Variants in ZNF407 observed in about 807,000 individuals in gnomAD.
The protein encoded by ZNF407 is zinc finger protein 407.
Under a neutral mutation model 131.2 loss-of-function variants are expected in ZNF407, and 17 were observed. That is an observed-to-expected ratio of 0.13 (90% CI 0.09 to 0.19). ZNF407 has a LOEUF of 0.19. ZNF407 is among the 10% of genes least tolerant of loss of function. The pLI, the probability that ZNF407 is intolerant of heterozygous loss-of-function variation, is 1.00. For missense variants in ZNF407, 2,681 were observed against 2,830.6 expected (o/e 0.95, Z 1.20); for synonymous variants, 1,156 against 1,062.0 (o/e 1.09, Z -1.72).
intron 3 of ZNF407, among the ~76,000 whole-genome samples, chr18:74,756,122 G>C (rs1387571453): frequency 1.3e-5 from 2 of 151,544 alleles, no homozygotes; most frequent in African/African-American, 4.9e-5. Flanking sequence ...TCGAACTCCT[G>C]ACCTCATGAT....
At chr18:74,749,706 A>T (rs1433669315) in intron 3 of ZNF407, among the ~76,000 whole-genome samples, 1 of 152,188 alleles carries the variant, frequency 6.6e-6, no homozygotes, top group African/African-American at 2.4e-5. Flanking sequence ...GATAGTTTTT[A>T]AAAATAATAT....
At chr18:74,659,480 C>T (rs1014437850) in intron 3 of ZNF407, among the ~76,000 whole-genome samples, 2 of 152,054 alleles carry the variant, frequency 1.3e-5, no homozygotes, top group African/African-American at 4.8e-5. Flanking sequence ...TCTGAATATT[C>T]TAAGAAGTTT....
At chr18:74,893,506 G>A (rs1971414370) in intron 7 of ZNF407, among the ~76,000 whole-genome samples, 1 of 152,146 alleles carries the variant, frequency 6.6e-6, no homozygotes, top group Non-Finnish European at 1.5e-5. Flanking sequence ...TACTTCTGAA[G>A]TGAGAGACTT....
At chr18:74,956,708 G>A (rs1972279623) in intron 8 of ZNF407, among the ~76,000 whole-genome samples, 1 of 152,166 alleles carries the variant, frequency 6.6e-6, no homozygotes, top group Non-Finnish European at 1.5e-5. Flanking sequence ...CTGGAAGGAA[G>A]GAAGGAATAT....
intron 3 of ZNF407, among the ~76,000 whole-genome samples, chr18:74,713,076 T>TA (rs557766940): frequency 2.6e-3 from 391 of 152,354 alleles, no homozygotes; most frequent in African/African-American, 8.2e-3. Flanking sequence ...GCCTTATTGA[T>TA]ACCTGCATTT....
chr18:74,727,914 C>T (rs574616841), intron 3 of ZNF407, among the ~76,000 whole-genome samples: 94 of 152,226 alleles, frequency 6.2e-4, no homozygotes, highest in African/African-American at 2.0e-3. Context: ...AGGCTGGATT[C>T]GGACAAGAAG....
chr18:74,681,497 C>T (rs1419647261), intron 3 of ZNF407, among the ~76,000 whole-genome samples: 1 of 152,142 alleles, frequency 6.6e-6, no homozygotes, highest in Non-Finnish European at 1.5e-5. Flanking sequence ...CCCACCTTGG[C>T]CTTCCAAGGT....
At chr18:74,627,424 T>C (rs1983830713) in intron 1 of ZNF407, among the ~76,000 whole-genome samples, 1 of 152,204 alleles carries the variant, frequency 6.6e-6, no homozygotes, top group Non-Finnish European at 1.5e-5. Context: ...TTTCCTCCCT[T>C]TACTCTTCAA....
chr18:74,996,870 A>G (rs1460063506), intron 8 of ZNF407, among the ~76,000 whole-genome samples: 1 of 152,258 alleles, frequency 6.6e-6, no homozygotes, highest in Non-Finnish European at 1.5e-5. Context: ...TCATTTTTGT[A>G]GCTATCAGAC....
chr18:74,800,078 G>T (rs905035299), intron 4 of ZNF407, among the ~76,000 whole-genome samples: 1 of 151,818 alleles, frequency 6.6e-6, no homozygotes, highest in Non-Finnish European at 1.5e-5. Flanking sequence ...TCTTTGAGGA[G>T]AGTCCAAAGA....
chr18:74,949,541 A>G (rs1481149152), intron 8 of ZNF407, among the ~76,000 whole-genome samples: 1 of 152,222 alleles, frequency 6.6e-6, no homozygotes, highest in African/African-American at 2.4e-5. Flanking sequence ...TGTTACTGAA[A>G]TATCAATACT....
intron 8 of ZNF407, among the ~76,000 whole-genome samples, chr18:74,982,259 A>C (rs1302286360): frequency 6.6e-6 from 1 of 152,166 alleles, no homozygotes; most frequent in Non-Finnish European, 1.5e-5. Flanking sequence ...CCTTTTCTAC[A>C]CAGCGTCCTA....
intron 8 of ZNF407, among the ~76,000 whole-genome samples, chr18:74,956,366 A>C (rs1322235263): frequency 6.6e-6 from 1 of 152,042 alleles, no homozygotes; most frequent in Non-Finnish European, 1.5e-5. Context: ...CAAGGGGATA[A>C]TAAGGTTTTT....
chr18:75,004,186 T>C (rs924773525), intron 8 of ZNF407, among the ~76,000 whole-genome samples: 9 of 152,166 alleles, frequency 5.9e-5, no homozygotes, highest in Non-Finnish European at 1.2e-4. Flanking sequence ...GCGGTGCACG[T>C]CGTAGCACCG....
At chr18:74,600,540 C>T (rs1388745323) in intron 1 of ZNF407, among the ~76,000 whole-genome samples, 12 of 152,072 alleles carry the variant, frequency 7.9e-5, no homozygotes, top group Admixed American at 2.0e-4. Context: ...CAAAGGAGTC[C>T]TACTAAATAG....
chr18:74,901,241 G>T (rs745730317), intron 7 of ZNF407, among the ~76,000 whole-genome samples: 1 of 152,130 alleles, frequency 6.6e-6, no homozygotes, highest in Non-Finnish European at 1.5e-5. Flanking sequence ...TGTTGGAATT[G>T]TTGCTGCTTC....
intron 3 of ZNF407, among the ~76,000 whole-genome samples, chr18:74,690,936 A>G (rs1284374905): frequency 6.6e-6 from 1 of 152,210 alleles, no homozygotes; most frequent in Non-Finnish European, 1.5e-5. Flanking sequence ...ACCAATTTTT[A>G]AAAACCAATA....
intron 7 of ZNF407, among the ~76,000 whole-genome samples, chr18:74,919,056 T>C (rs1971811256): frequency 6.6e-6 from 1 of 152,162 alleles, no homozygotes; most frequent in African/African-American, 2.4e-5. Flanking sequence ...GCGTTTCAGC[T>C]TTGACCAGAG....
chr18:74,739,514 A>G (rs1426819766), intron 3 of ZNF407, among the ~76,000 whole-genome samples: 2 of 151,498 alleles, frequency 1.3e-5, no homozygotes, highest in African/African-American at 4.8e-5. Context: ...TTATATTTAT[A>G]TATATATATG....
Sources: gnomAD v4.1 joint callset for allele counts (sites outside exome capture counted in the v4.1 genomes callset) on GRCh38, gnomAD v4.1.1 for gene constraint, MANE v1.5 for transcripts, NCBI Gene and HGNC (gene_info 2026-07-23, HGNC 2026-07-21) for gene names.